MRNIP: variants seen among roughly 807,000 people sequenced by gnomAD.
MRNIP encodes the protein MRN complex interacting protein.
In MRNIP, 30 loss-of-function variants were observed where a neutral mutation model predicts 29.8. The observed-to-expected ratio is 1.01, with a 90% CI of 0.75 to 1.36. The LOEUF (loss-of-function observed/expected upper bound fraction) is 1.36, where lower values mean the gene tolerates loss of function less well. Among genes scored for constraint, MRNIP ranks in the 40% most tolerant of loss-of-function variants. The pLI is 0.00. For synonymous variants in MRNIP, 201 were observed against 164.1 expected (o/e 1.23, Z -1.72); for missense variants, 459 against 423.5 (o/e 1.08, Z -0.74).
intron 1 of MRNIP, among the ~76,000 whole-genome samples, chr5:179,856,630 C>T (rs997648540): frequency 2.0e-5 from 3 of 152,174 alleles, no homozygotes. Context: ...GCCACTACAT[C>T]TAGCTATTTT....
chr5:179,837,330 C>T lies in MRNIP; in HGVS notation c.*61G>A, dbSNP rs949858771. 1.3e-6 allele frequency: 2 copies of T among 1,588,302 alleles called. No homozygotes were observed. Among genetic ancestry groups the T allele is most frequent in the African/African-American group, 1.3e-5 (1 of 74,084 alleles). On this transcript the variant is annotated 3_prime_UTR_variant, in exon 7 of 7. Coordinates refer to ENST00000292586, the MANE Select transcript of MRNIP (RefSeq NM_016175.4). ...TCTTACAGAGTATCTTTAAAAGTGC[C>T]TTAGGGGAACCCTGTCCCTCCTAAC... is the stretch of plus-strand genomic sequence containing the variant.
At position 179,853,411 on chromosome 5, in the gene MRNIP, G is replaced by A; in HGVS notation, c.93C>T (p.Cys31=). 1 of 1,612,792 alleles carries A rather than the reference G, an allele frequency of 6.2e-7. No individual in the cohort carries two copies. Among genetic ancestry groups the A allele is most frequent in the Non-Finnish European group, 8.5e-7 (1 of 1,179,582 alleles). The part of the protein sequence containing the change: ...HQVKKSVKWT[C]KACGEKQSFL... ...AGGACTGCTTCTCTCCACAAGCTTT[G>A]CATGTCCACTTGACACTCTTTTTTA... Residue 31 remains cysteine (C), a synonymous_variant, in exon 2 of 7, where the codon TGC becomes TGT. Transcript: ENST00000292586.
intron 1 of MRNIP, among the ~76,000 whole-genome samples, chr5:179,858,255 G>A (rs991276115): frequency 6.6e-5 from 10 of 152,160 alleles, no homozygotes. Context: ...AGACTCCGGG[G>A]CCCGTGGTTT....
intron 1 of MRNIP, among the ~76,000 whole-genome samples, chr5:179,854,242 G>A (rs947728202): frequency 1.2e-4 from 18 of 149,852 alleles, no homozygotes; most frequent in African/African-American, 4.2e-4. Context: ...GGATGGTCTC[G>A]ATCTCCTGAC....
chr5:179,858,808 C>CA lies in MRNIP; in HGVS notation c.-13dup, dbSNP rs1358990925. 22 of 1,539,324 alleles carry CA rather than the reference C, an allele frequency of 1.4e-5. No homozygotes were observed. The highest frequency in any genetic ancestry group is 1.9e-5 in the Non-Finnish European group (22 of 1,143,934). On this transcript the variant is annotated 5_prime_UTR_variant, in exon 1 of 7. Coordinates refer to ENST00000292586, the MANE Select transcript of MRNIP (RefSeq NM_016175.4). ...TGAAGCGACGCCATCCCTGCTTGTG[C>CA]AGTCGCCAGGCAGCCAAGCGCGTGC...
chr5:179,848,013 A>G lies in MRNIP; in HGVS notation c.180T>C (p.Asn60=), dbSNP rs1161056318. 1 of 1,613,794 alleles carries G rather than the reference A, an allele frequency of 6.2e-7. No homozygotes were observed. The highest frequency in any genetic ancestry group is 1.3e-5 in the African/African-American group (1 of 74,894). The change falls in exon 3 of 7, where the codon AAT becomes AAC. Residue 60 remains asparagine (N), a synonymous_variant. Transcript: ENST00000292586. ...GCTCTGAAACTTGTCCCTGTAGTAG[A>G]TTTAACTTTTGGACATGGCGTCTAC... ...ADCRRHVQKL[N]LLQGQVSELP... is the part of the protein sequence containing the mutation.
chr5:179,837,532 CT>C lies in MRNIP; in HGVS notation c.890del (p.Glu297GlyfsTer38), dbSNP rs781379450. On this transcript the variant is annotated frameshift_variant, in exon 7 of 7. Coordinates refer to ENST00000292586, the MANE Select transcript of MRNIP (RefSeq NM_016175.4). LOFTEE classifies it low-confidence loss of function (END_TRUNC). ...RATHPVTSGS[E>X]RPCGKTSWDA... The stretch of plus-strand genomic sequence containing the variant: ...CCCATGAGGTCTTCCCGCAAGGCCT[CT>C]CAGACCCAGATGTGACGGGGTGTGT... The C allele has an allele frequency of 2.5e-6, 4 of 1,614,222 alleles. No homozygotes were observed. The South Asian group carries it at 4.4e-5, about 18-fold the overall frequency.
rs554948623 is a variant in MRNIP, at chr5:179,850,824, C to A, written c.126+2554G>T. Among the ~76,000 whole-genome samples, 119 of 152,304 alleles carry A rather than the reference C, an allele frequency of 7.8e-4. 1 individual carries two copies. The highest frequency in any genetic ancestry group is 2.8e-3 in the African/African-American group (117 of 41,552). On this transcript the variant is annotated intron_variant, in intron 2 of 6. Transcript: ENST00000292586. The stretch of plus-strand genomic sequence containing the variant: ...TCAGGGGTGGCCACGAAACCAGCCT[C>A]TTTCCATGGCACTGTCACTTGCTTC...
chr5:179,849,065 T>C (rs1202371008), intron 2 of MRNIP, among the ~76,000 whole-genome samples: 26 of 89,318 alleles, frequency 2.9e-4, no homozygotes, highest in African/African-American at 4.5e-4. Context: ...AATTTGAGAG[T>C]ACGGGTCCTG....
intron 2 of MRNIP, chr5:179,851,217 G>A (rs1194651144): frequency 2.2e-6 from 1 of 455,360 alleles, no homozygotes; most frequent in Non-Finnish European, 4.4e-6. Flanking sequence ...AACAAGCCAT[G>A]CTCACCATGT....
intron 6 of MRNIP, 39 bp from the exon 7 acceptor site, chr5:179,837,924 C>CA: frequency 6.3e-7 from 1 of 1,578,242 alleles, no homozygotes; most frequent in Non-Finnish European, 8.6e-7. Flanking sequence ...TGTGTAAGAA[C>CA]AATGCCAGGG....
In MRNIP at chr5:179,837,489, C is replaced by A; in HGVS notation, c.934G>T (p.Ala312Ser). The A allele has an allele frequency of 6.2e-7, 1 of 1,614,102 alleles. No individual in the cohort carries two copies. ...TCCAGGACCAGGGGCCCACCCTCTG[C>A]CCAGGGAGTCCTTGCGTCCCATGAG... is the stretch of plus-strand genomic sequence containing the variant. Reference protein sequence around the residue: ...KTSWDARTPWAEGGPLVLEAQ... With the variant: ...KTSWDARTPWSEGGPLVLEAQ... The change falls in exon 7 of 7, where the codon GCA becomes TCA. Residue 312 changes from alanine (A) to serine (S), a missense_variant. Physicochemically the swap from Ala to Ser is moderately conservative, Grantham distance 99 (BLOSUM62 1). Transcript: ENST00000292586.
rs1758897056 is a variant in MRNIP, at chr5:179,841,906, C to T, written c.449+1G>A. ...GGCTGGAACGGAGACGCACTTGGTACCTTTTTCTAGGCAGGTCTTGACTGA... is the reference window on the plus strand; with the variant it reads ...GGCTGGAACGGAGACGCACTTGGTATCTTTTTCTAGGCAGGTCTTGACTGA... On this transcript the variant is annotated splice_donor_variant, in intron 5 of 6. Coordinates refer to ENST00000292586, the MANE Select transcript of MRNIP (RefSeq NM_016175.4). LOFTEE classifies it high-confidence loss of function. 6.2e-7 allele frequency: 1 copy of T among 1,613,556 alleles called. No homozygotes were observed. Among genetic ancestry groups the T allele is most frequent in the Non-Finnish European group, 8.5e-7 (1 of 1,179,970 alleles).
chr5:179,845,624 T>C (rs1036142463), intron 3 of MRNIP, among the ~76,000 whole-genome samples: 1 of 151,442 alleles, frequency 6.6e-6, no homozygotes, highest in African/African-American at 2.4e-5. Flanking sequence ...GCCTCCTGAG[T>C]AGCTGGGATT....
rs573632519 is a variant in MRNIP at position 179,841,019 on chromosome 5, C to T, written c.450-60G>A. On this transcript the variant is annotated intron_variant, in intron 5 of 6. Transcript: ENST00000292586. Reference sequence around the variant, plus strand: ...CTCTCCAGTGGCACCCCGAGCCTGACTCCACGATCACATGGCCCACAGGCT... The same window carrying T: ...CTCTCCAGTGGCACCCCGAGCCTGATTCCACGATCACATGGCCCACAGGCT... 1,032 of 1,254,360 alleles carry T rather than the reference C, an allele frequency of 8.2e-4. 8 individuals are homozygous for T. Among genetic ancestry groups the T allele is most frequent in the South Asian group, 7.1e-4 (55 of 77,852 alleles). 77.7% of individuals were successfully genotyped at this position (1,254,360 alleles called of 1,614,324 possible). A position where few individuals can be genotyped will look rare whatever the true frequency, so the allele number is the denominator to read the frequency against.
intron 2 of MRNIP, among the ~76,000 whole-genome samples, chr5:179,850,910 AGAAGCACAG>A (rs1759341474): frequency 5.1e-5 from 1 of 19,664 alleles, no homozygotes; most frequent in Non-Finnish European, 7.0e-5. Flanking sequence ...CTCAGTGGCT[AGAAGCACAG>A]TGGCTAGAAG....
At chr5:179,850,219 C>T (rs1343139601) in intron 2 of MRNIP, among the ~76,000 whole-genome samples, 9 of 114,900 alleles carry the variant, frequency 7.8e-5, no homozygotes, top group East Asian at 5.8e-4. Context: ...TGAGAGGATG[C>T]GTCCTGCTAT....
In MRNIP at chr5:179,837,894, G is replaced by C. The variant is rs1380306253; in HGVS notation, c.538-9C>G. 1 of 1,599,600 alleles carries C rather than the reference G, an allele frequency of 6.3e-7. No homozygotes were observed. Among genetic ancestry groups the C allele is most frequent in the Admixed American group, 1.7e-5 (1 of 59,908 alleles). ...GTCAGGCCAGCCTGTCCCTGAAAGA[G>C]AAGATGGCCATGCCCTCCATGTGTA... On this transcript the variant is annotated splice_polypyrimidine_tract_variant and intron_variant, in intron 6 of 6. Transcript: ENST00000292586.
intron 1 of MRNIP, among the ~76,000 whole-genome samples, chr5:179,856,620 G>A (rs1277401587): frequency 2.0e-5 from 3 of 152,060 alleles, no homozygotes; most frequent in Non-Finnish European, 4.4e-5. Context: ...ACAGATGCGC[G>A]CCACTACATC....
Sources: gnomAD v4.1 joint callset for allele counts (sites outside exome capture counted in the v4.1 genomes callset) on GRCh38, gnomAD v4.1.1 for gene constraint, MANE v1.5 for transcripts, NCBI Gene and HGNC (gene_info 2026-07-23, HGNC 2026-07-21) for gene names.